Variants in C12orf42 observed in about 807,000 individuals in gnomAD.
C12orf42 encodes the protein uncharacterized protein C12orf42.
In C12orf42, 25 loss-of-function variants were observed where a neutral mutation model predicts 21.6. That is an observed-to-expected ratio of 1.16 (90% CI 0.84 to 1.62). C12orf42 has a LOEUF of 1.62. Among genes scored for constraint, C12orf42 ranks in the 40% most tolerant of loss-of-function variants. The probability of loss-of-function intolerance (pLI) is 0.00; values close to 1 mark genes in which losing one functional copy is unlikely to be tolerated. For synonymous variants in C12orf42, 174 were observed against 175.0 expected (o/e 0.99, Z 0.05); for missense variants, 483 against 459.3 (o/e 1.05, Z -0.47).
At chr12:103,340,901 C>A (rs2042101415) in intron 4 of C12orf42, among the ~76,000 whole-genome samples, 1 of 152,008 alleles carries the variant, frequency 6.6e-6, no homozygotes, top group South Asian at 2.1e-4. Context: ...ATCACGAGGT[C>A]AGGAGATCGA....
At chr12:103,126,187 C>A in the C12orf42 span, among the ~76,000 whole-genome samples, 2 of 143,204 alleles carry the variant, frequency 1.4e-5, no homozygotes, top group African/African-American at 5.8e-5. Context: ...CCTGTATCTG[C>A]CCCAGGAAAC....
intron 3 of C12orf42, among the ~76,000 whole-genome samples, chr12:103,381,916 CAA>C (rs57693837): frequency 0.57 from 84,714 of 147,626 alleles, 25,008 homozygotes; most frequent in Admixed American, 0.69. Flanking sequence ...GACTCCGTCT[CAA>C]AAAAAAAAAA....
chr12:103,532,006 C>T, the C12orf42 span, among the ~76,000 whole-genome samples: 1 of 152,188 alleles, frequency 6.6e-6, no homozygotes, highest in Non-Finnish European at 1.5e-5. Flanking sequence ...AAAACCTTAA[C>T]ATGTCGCATA....
chr12:103,492,247 C>T (rs936899876), intron 1 of C12orf42, among the ~76,000 whole-genome samples: 3 of 152,322 alleles, frequency 2.0e-5, no homozygotes, highest in African/African-American at 7.2e-5. Flanking sequence ...GGTGAGCCAC[C>T]GCACCTGGCC....
the C12orf42 span, among the ~76,000 whole-genome samples, chr12:103,185,326 CAA>C: frequency 2.6e-5 from 4 of 152,132 alleles, no homozygotes; most frequent in East Asian, 5.8e-4. Flanking sequence ...AGCAGATAAG[CAA>C]AGAGTCACAG....
At chr12:103,411,752 G>A (rs1338594961) in intron 2 of C12orf42, among the ~76,000 whole-genome samples, 4 of 152,120 alleles carry the variant, frequency 2.6e-5, no homozygotes, top group Non-Finnish European at 5.9e-5. Flanking sequence ...CCAGGACTAC[G>A]AGCAATAAAT....
intron 4 of C12orf42, among the ~76,000 whole-genome samples, chr12:103,291,744 C>A (rs139458242): frequency 6.6e-6 from 1 of 152,062 alleles, no homozygotes; most frequent in African/African-American, 2.4e-5. Flanking sequence ...ACCATTTTAC[C>A]ATATTGTAAT....
the C12orf42 span, among the ~76,000 whole-genome samples, chr12:103,129,217 A>C: frequency 8.5e-5 from 13 of 152,224 alleles, no homozygotes; most frequent in Non-Finnish European, 1.3e-4. Context: ...GAAACTGCTG[A>C]AGCAAGGCCC....
intron 4 of C12orf42, among the ~76,000 whole-genome samples, chr12:103,288,722 CTTTA>C (rs1380765004): frequency 2.0e-5 from 3 of 152,076 alleles, no homozygotes; most frequent in Non-Finnish European, 4.4e-5. Flanking sequence ...TGGTAAGATG[CTTTA>C]TTTATAAATC....
the C12orf42 span, among the ~76,000 whole-genome samples, chr12:103,093,210 C>T: frequency 6.6e-6 from 1 of 152,228 alleles, no homozygotes; most frequent in Non-Finnish European, 1.5e-5. Context: ...CTATGAGTCT[C>T]CAATTCAGCT....
the C12orf42 span, among the ~76,000 whole-genome samples, chr12:103,180,548 C>G: frequency 9.5e-5 from 14 of 147,030 alleles, no homozygotes; most frequent in Non-Finnish European, 1.5e-4. Context: ...TTCCAGGACT[C>G]ACACCTTCTG....
At chr12:103,198,353 G>A in the C12orf42 span, among the ~76,000 whole-genome samples, 1 of 152,278 alleles carries the variant, frequency 6.6e-6, no homozygotes, top group South Asian at 2.1e-4. Context: ...AGGCTGCACT[G>A]CAATTGAGCT....
chr12:103,511,459 A>T, the C12orf42 span, among the ~76,000 whole-genome samples: 1 of 151,978 alleles, frequency 6.6e-6, no homozygotes, highest in Non-Finnish European at 1.5e-5. Flanking sequence ...GTGTCTATTC[A>T]TATGAAATTG....
chr12:103,296,077 T>C (rs1390941654), intron 4 of C12orf42, among the ~76,000 whole-genome samples: 3 of 144,320 alleles, frequency 2.1e-5, no homozygotes, highest in East Asian at 4.2e-4. Flanking sequence ...AGTGTTCTCA[T>C]TGTTCAATTC....
chr12:103,433,193 A>G (rs897902302), intron 2 of C12orf42, among the ~76,000 whole-genome samples: 2 of 152,228 alleles, frequency 1.3e-5, no homozygotes, highest in Non-Finnish European at 2.9e-5. Context: ...TCATTACATA[A>G]TAAAACCACA....
intron 4 of C12orf42, chr12:103,367,900 A>G (rs924954086): frequency 1.1e-4 from 40 of 367,118 alleles, no homozygotes; most frequent in African/African-American, 8.6e-4. Flanking sequence ...TAAACCTTTC[A>G]ATGGCCCTGA....
the C12orf42 span, among the ~76,000 whole-genome samples, chr12:103,215,413 G>A: frequency 6.9e-6 from 1 of 144,838 alleles, no homozygotes; most frequent in Non-Finnish European, 1.6e-5. Flanking sequence ...CTGCATGGAA[G>A]GACCTCCACT....
At chr12:103,199,850 G>A in the C12orf42 span, among the ~76,000 whole-genome samples, 89 of 152,118 alleles carry the variant, frequency 5.9e-4, no homozygotes, top group Admixed American at 1.6e-3. Flanking sequence ...GTGAAAATTT[G>A]GAGAAAAAGG....
chr12:103,157,947 G>T, the C12orf42 span, among the ~76,000 whole-genome samples: 5 of 152,078 alleles, frequency 3.3e-5, no homozygotes, highest in African/African-American at 1.2e-4. Context: ...ATATAATTCT[G>T]TTATACTCTG....
Sources: gnomAD v4.1 joint callset for allele counts (sites outside exome capture counted in the v4.1 genomes callset) on GRCh38, gnomAD v4.1.1 for gene constraint, MANE v1.5 for transcripts, NCBI Gene and HGNC (gene_info 2026-07-23, HGNC 2026-07-21) for gene names.